Variants in PCDHA10 observed in about 807,000 individuals in gnomAD.
PCDHA10 encodes protocadherin alpha-10.
A neutral mutation model predicts 61.2 loss-of-function variants in PCDHA10; 45 were observed. That is an observed-to-expected ratio of 0.74 (90% CI 0.58 to 0.94). The LOEUF (loss-of-function observed/expected upper bound fraction) is 0.94, where lower values mean the gene tolerates loss of function less well. Ranked by LOEUF, PCDHA10 falls within the 40% of genes least tolerant of loss-of-function variation. The probability of loss-of-function intolerance (pLI) is 0.00; values close to 1 mark genes in which losing one functional copy is unlikely to be tolerated. For missense variants in PCDHA10, 1,278 were observed against 1,236.2 expected (o/e 1.03, Z -0.51); for synonymous variants, 602 against 548.8 (o/e 1.10, Z -1.35).
intron 3 of PCDHA10, among the ~76,000 whole-genome samples, chr5:140,998,588 G>A (rs1315091552): frequency 6.7e-6 from 1 of 148,536 alleles, no homozygotes; most frequent in African/African-American, 2.5e-5. Context: ...TTTTGAGACA[G>A]AGTTTTGCTC....
chr5:140,874,124 T>G (rs926046559), intron 1 of PCDHA10, among the ~76,000 whole-genome samples: 6 of 152,266 alleles, frequency 3.9e-5, no homozygotes, highest in Admixed American at 3.3e-4. Context: ...TTATAGTTTA[T>G]TTAAGTTATC....
intron 1 of PCDHA10, chr5:140,862,777 C>A: frequency 1.7e-6 from 1 of 577,324 alleles, no homozygotes. Context: ...CGCGTTGCAG[C>A]CACTGGACTA....
At chr5:140,912,648 A>G (rs1161381718) in intron 1 of PCDHA10, among the ~76,000 whole-genome samples, 1 of 152,164 alleles carries the variant, frequency 6.6e-6, no homozygotes, top group African/African-American at 2.4e-5. Flanking sequence ...TATGTTGAAT[A>G]GAAGTGGTGA....
At chr5:140,877,443 C>A (rs376417721) in intron 1 of PCDHA10, 2 of 1,613,726 alleles carry the variant, frequency 1.2e-6, no homozygotes, top group African/African-American at 2.7e-5. Flanking sequence ...ACGGTGAGCC[C>A]GCGCTGACGT....
intron 1 of PCDHA10, chr5:140,862,036 A>G (rs1554155572): frequency 6.4e-6 from 1 of 155,636 alleles, no homozygotes; most frequent in African/African-American, 2.4e-5. Flanking sequence ...CGAGGGTTCA[A>G]ACCGTCACAT....
chr5:140,920,692 A>G (rs552577858), intron 1 of PCDHA10, among the ~76,000 whole-genome samples: 2 of 152,232 alleles, frequency 1.3e-5, no homozygotes, highest in Non-Finnish European at 2.9e-5. Flanking sequence ...AAAAATACAA[A>G]CATTAGCTTG....
chr5:140,882,280 C>T lies in PCDHA10; in HGVS notation c.2388+23844C>T, dbSNP rs531486554. On this transcript the variant is annotated intron_variant, in intron 1 of 3. Transcript: ENST00000307360. ...TTTTGGAGTGTACCATGCTGTCTTCCTGGCAAGGAGGCCCAAGACCGCGGC... is the reference window on the plus strand; with the variant it reads ...TTTTGGAGTGTACCATGCTGTCTTCTTGGCAAGGAGGCCCAAGACCGCGGC... 1.0e-4 allele frequency: 164 copies of T among 1,612,564 alleles called. 4 individuals are homozygous for T. The South Asian group carries it at 1.7e-3, about 16-fold the overall frequency.
intron 1 of PCDHA10, chr5:140,870,089 T>A (rs782364525): frequency 6.2e-7 from 1 of 1,613,914 alleles, no homozygotes; most frequent in Admixed American, 1.7e-5. Flanking sequence ...ACTCCCCCAA[T>A]GGCAGGTCAC....
intron 1 of PCDHA10, among the ~76,000 whole-genome samples, chr5:140,956,166 C>T (rs180917985): frequency 7.2e-5 from 11 of 152,232 alleles, no homozygotes; most frequent in Non-Finnish European, 1.5e-4. Flanking sequence ...TTGCCATAGC[C>T]AGAACTTCCA....
intron 1 of PCDHA10, among the ~76,000 whole-genome samples, chr5:140,942,058 C>T (rs2093224752): frequency 6.6e-6 from 1 of 152,040 alleles, no homozygotes; most frequent in Non-Finnish European, 1.5e-5. Flanking sequence ...GAAATGTTTG[C>T]TAATTGAGCC....
intron 1 of PCDHA10, among the ~76,000 whole-genome samples, chr5:140,949,692 T>A (rs1563239592): frequency 6.6e-6 from 1 of 151,854 alleles, no homozygotes; most frequent in Non-Finnish European, 1.5e-5. Flanking sequence ...AGCGTATTGT[T>A]GGATCTTGCT....
chr5:140,941,573 C>T (rs1220556647), intron 1 of PCDHA10, among the ~76,000 whole-genome samples: 1 of 152,108 alleles, frequency 6.6e-6, no homozygotes, highest in African/African-American at 2.4e-5. Flanking sequence ...CCTCAGCCTC[C>T]CAAAGTGCTG....
At chr5:140,875,691 C>A (rs1554167867) in intron 1 of PCDHA10, 2 of 1,614,036 alleles carry the variant, frequency 1.2e-6, no homozygotes, top group South Asian at 1.1e-5. Flanking sequence ...GACACGGGGA[C>A]CTTCTGGAGG....
At chr5:140,872,977 GC>G (rs1326111410) in intron 1 of PCDHA10, among the ~76,000 whole-genome samples, 3 of 152,086 alleles carry the variant, frequency 2.0e-5, no homozygotes, top group African/African-American at 7.2e-5. Context: ...GAAGATTTGA[GC>G]AAAGATCATT....
intron 1 of PCDHA10, chr5:140,870,783 C>A: frequency 6.2e-7 from 1 of 1,613,598 alleles, no homozygotes; most frequent in Non-Finnish European, 8.5e-7. Context: ...AGAACGACAA[C>A]GCGCCGGCAC....
intron 1 of PCDHA10, among the ~76,000 whole-genome samples, chr5:140,934,604 G>C (rs1389000917): frequency 6.6e-6 from 1 of 151,762 alleles, no homozygotes; most frequent in Non-Finnish European, 1.5e-5. Context: ...TCAACTATTT[G>C]ATTAGCCTGA....
intron 1 of PCDHA10, among the ~76,000 whole-genome samples, chr5:140,891,797 C>A (rs2063254101): frequency 6.6e-6 from 1 of 152,136 alleles, no homozygotes; most frequent in Non-Finnish European, 1.5e-5. Context: ...TATGAGGGAT[C>A]TGCCCTCATG....
chr5:141,001,448 G>A (rs1465333650), intron 3 of PCDHA10, among the ~76,000 whole-genome samples: 1 of 152,190 alleles, frequency 6.6e-6, no homozygotes, highest in Non-Finnish European at 1.5e-5. Context: ...TCTTTCCACT[G>A]TCAATTGAAG....
chr5:140,923,814 A>G (rs1554201602), intron 1 of PCDHA10, among the ~76,000 whole-genome samples: 1 of 152,250 alleles, frequency 6.6e-6, no homozygotes, highest in Non-Finnish European at 1.5e-5. Flanking sequence ...ATCTTCTGAA[A>G]ATAGACGTCA....
Sources: gnomAD v4.1 joint callset for allele counts (sites outside exome capture counted in the v4.1 genomes callset) on GRCh38, gnomAD v4.1.1 for gene constraint, MANE v1.5 for transcripts, NCBI Gene and HGNC (gene_info 2026-07-23, HGNC 2026-07-21) for gene names.